The following DLGAP2 variants were observed in gnomAD, a reference collection of about 807,000 sequenced individuals.
The protein encoded by DLGAP2 is DLG associated protein 2, also known as disks large-associated protein 2.
DLGAP2 carries 26 observed loss-of-function variants against 100.3 expected under a neutral mutation model. The ratio of observed to expected loss-of-function variants is 0.26; its 90% CI spans 0.19 to 0.36. DLGAP2 has a LOEUF of 0.36. Ranked by LOEUF, DLGAP2 falls within the 10% of genes least tolerant of loss-of-function variation. The pLI is 1.00. For synonymous variants in DLGAP2, 886 were observed against 630.1 expected, an observed-to-expected ratio of 1.41 and a Z score of -6.08; for missense variants, 1,858 against 1,453.2, an observed-to-expected ratio of 1.28 and a Z score of -4.53.
rs1300606680 is a variant in DLGAP2 at position 1,496,559 on chromosome 8, A to C, written c.107-4807A>C. ...GCTTGTGACATTGAGACGACTCATCACTGAGCAAAGGAAGGCAAACGTGGC... is the reference window on the plus strand; with the variant it reads ...GCTTGTGACATTGAGACGACTCATCCCTGAGCAAAGGAAGGCAAACGTGGC... On this transcript the variant is annotated intron_variant, in intron 3 of 14. Coordinates refer to ENST00000637795, the MANE Select transcript of DLGAP2 (RefSeq NM_001346810.2). 2.0e-5 allele frequency among the ~76,000 whole-genome samples: 3 copies of C among 151,966 alleles called. No individual in the cohort carries two copies. In the East Asian group the frequency reaches 5.8e-4, roughly 29 times the overall value.
chr8:1,128,747 C>G (rs1294630541), intron 2 of DLGAP2, among the ~76,000 whole-genome samples: 1 of 152,178 alleles, frequency 6.6e-6, no homozygotes, highest in Admixed American at 6.5e-5. Context: ...AAGCATAGAA[C>G]TTAGTGACTT....
At chr8:754,716 A>T (rs867982391) in intron 1 of DLGAP2, among the ~76,000 whole-genome samples, 1 of 152,138 alleles carries the variant, frequency 6.6e-6, no homozygotes, top group Non-Finnish European at 1.5e-5. Context: ...GGTGGTGTGC[A>T]CCAGTAATCC....
At chr8:1,583,358 G>A (rs1796008173) in intron 6 of DLGAP2, among the ~76,000 whole-genome samples, 1 of 152,138 alleles carries the variant, frequency 6.6e-6, no homozygotes, top group Middle Eastern at 3.2e-3. Context: ...TCTGGCCCAT[G>A]AGCCTGCCCT....
intron 3 of DLGAP2, among the ~76,000 whole-genome samples, chr8:1,466,676 C>A (rs999035405): frequency 9.2e-5 from 14 of 152,250 alleles, no homozygotes; most frequent in African/African-American, 3.1e-4. Flanking sequence ...TATTTCTGCT[C>A]AGTGGCATTT....
intron 1 of DLGAP2, among the ~76,000 whole-genome samples, chr8:873,357 C>T (rs1189207385): frequency 6.6e-6 from 1 of 152,154 alleles, no homozygotes; most frequent in Non-Finnish European, 1.5e-5. Context: ...GGACCACCAG[C>T]ACAATTTTGA....
At chr8:1,007,527 G>A (rs1801153629) in intron 2 of DLGAP2, among the ~76,000 whole-genome samples, 1 of 151,948 alleles carries the variant, frequency 6.6e-6, no homozygotes, top group Admixed American at 6.5e-5. Flanking sequence ...GGGAGGCAAG[G>A]CCAGCGGATG....
intron 3 of DLGAP2, among the ~76,000 whole-genome samples, chr8:1,295,711 C>G (rs972938731): frequency 6.6e-6 from 1 of 152,214 alleles, no homozygotes; most frequent in Non-Finnish European, 1.5e-5. Context: ...ACTCCGGGCC[C>G]CAGTCTCTCT....
chr8:1,204,075 C>G (rs1448655244), intron 2 of DLGAP2, among the ~76,000 whole-genome samples: 1 of 152,256 alleles, frequency 6.6e-6, no homozygotes, highest in African/African-American at 2.4e-5. Flanking sequence ...CAGATTCTGA[C>G]TCATGGGTCT....
At chr8:1,449,622 A>C (rs533240403) in intron 3 of DLGAP2, among the ~76,000 whole-genome samples, 12 of 152,280 alleles carry the variant, frequency 7.9e-5, no homozygotes, top group African/African-American at 2.6e-4. Flanking sequence ...CTGAACGGGC[A>C]ATGCTGAGGC....
At chr8:1,204,349 C>T (rs1334667158) in intron 2 of DLGAP2, among the ~76,000 whole-genome samples, 1 of 152,282 alleles carries the variant, frequency 6.6e-6, no homozygotes, top group East Asian at 1.9e-4. Flanking sequence ...GTGGAAGAAC[C>T]CGGGGATTCT....
chr8:1,470,020 A>C (rs734733), intron 3 of DLGAP2, among the ~76,000 whole-genome samples: 3 of 151,144 alleles, frequency 2.0e-5, no homozygotes, highest in Non-Finnish European at 1.5e-5. Flanking sequence ...AAATTAGCCA[A>C]GCCTGGTGGT....
chr8:1,486,305 A>T (rs2130264270), intron 3 of DLGAP2, among the ~76,000 whole-genome samples: 1 of 152,310 alleles, frequency 6.6e-6, no homozygotes, highest in South Asian at 2.1e-4. Flanking sequence ...GTGTTCAAAG[A>T]GCATTTGCAA....
At chr8:1,673,111 A>T (rs951653760) in intron 10 of DLGAP2, among the ~76,000 whole-genome samples, 4 of 152,074 alleles carry the variant, frequency 2.6e-5, no homozygotes, top group African/African-American at 9.7e-5. Context: ...TATATTTTTC[A>T]AAACTTTAAG....
At chr8:1,157,908 C>G (rs1248798792) in intron 2 of DLGAP2, among the ~76,000 whole-genome samples, 1 of 152,166 alleles carries the variant, frequency 6.6e-6, no homozygotes, top group East Asian at 1.9e-4. Context: ...CTTCTGGGCA[C>G]CTTGTGTACG....
At chr8:1,052,159 G>A (rs1422588990) in intron 2 of DLGAP2, among the ~76,000 whole-genome samples, 1 of 152,074 alleles carries the variant, frequency 6.6e-6, no homozygotes, top group Non-Finnish European at 1.5e-5. Flanking sequence ...GTCATGAGGT[G>A]GGCCTGGGCC....
chr8:1,504,121 A>G (rs1479146840), intron 4 of DLGAP2, among the ~76,000 whole-genome samples: 1 of 151,442 alleles, frequency 6.6e-6, no homozygotes, highest in Non-Finnish European at 1.5e-5. Flanking sequence ...AAAGTTTAAA[A>G]ACATACCAGT....
At chr8:1,669,899 C>G in intron 10 of DLGAP2, 115 bp downstream of exon 10, 1 of 733,640 alleles carries the variant, frequency 1.4e-6, no homozygotes, top group Non-Finnish European at 2.5e-6. Context: ...ATGTGCCAGG[C>G]ACTATGCTGG....
chr8:938,615 G>A (rs571186372), intron 2 of DLGAP2, among the ~76,000 whole-genome samples: 1 of 152,360 alleles, frequency 6.6e-6, no homozygotes, highest in Non-Finnish European at 1.5e-5. Context: ...GCAAGAAAGA[G>A]GCTTGGATGG....
At chr8:1,241,603 C>T (rs1798798561) in intron 2 of DLGAP2, among the ~76,000 whole-genome samples, 1 of 152,204 alleles carries the variant, frequency 6.6e-6, no homozygotes, top group South Asian at 2.1e-4. Context: ...CTTCTAGAGA[C>T]TTTTCACTCC....
Sources: gnomAD v4.1 joint callset for allele counts (sites outside exome capture counted in the v4.1 genomes callset) on GRCh38, gnomAD v4.1.1 for gene constraint, MANE v1.5 for transcripts, NCBI Gene and HGNC (gene_info 2026-07-23, HGNC 2026-07-21) for gene names.